Variants in IDH2 observed in about 807,000 individuals in gnomAD.
IDH2 encodes the protein isocitrate dehydrogenase (NADP(+)) 2, also known as isocitrate dehydrogenase [NADP], mitochondrial.
Under a neutral mutation model 50.5 loss-of-function variants are expected in IDH2, and 18 were observed. The ratio of observed to expected loss-of-function variants is 0.36; its 90% CI spans 0.25 to 0.53. The LOEUF is 0.53. Among genes scored for constraint, IDH2 ranks in the 20% least tolerant of loss-of-function variants. The pLI is 0.92. For synonymous variants in IDH2, 280 were observed against 239.8 expected (o/e 1.17, Z -1.55); for missense variants, 518 against 610.7 (o/e 0.85, Z 1.60).
rs146682165 is a variant in IDH2 at position 90,098,604 on chromosome 15, G to A, written c.115+3672C>T. 6.7e-6 allele frequency among the ~76,000 whole-genome samples: 1 copy of A among 149,658 alleles called. No individual in the cohort carries two copies. Among genetic ancestry groups the A allele is most frequent in the Non-Finnish European group, 1.5e-5 (1 of 67,078 alleles). ...CTGTCGCCTACACTGGAGGGCAGTGGCGTGATCTCGGCTCACTGCAAGCTC... is the reference window on the plus strand; with the variant it reads ...CTGTCGCCTACACTGGAGGGCAGTGACGTGATCTCGGCTCACTGCAAGCTC... On this transcript the variant is annotated intron_variant, in intron 1 of 10. Coordinates refer to ENST00000330062, the MANE Select transcript of IDH2 (RefSeq NM_002168.4). The surrounding 1 kb of genome is among the most constrained non-coding windows in gnomAD (Gnocchi z 5.1).
intron 3 of IDH2, among the ~76,000 whole-genome samples, chr15:90,089,710 G>A (rs1231346890): frequency 6.6e-6 from 1 of 152,222 alleles, no homozygotes; most frequent in Non-Finnish European, 1.5e-5. Flanking sequence ...GGAAGAGAGA[G>A]CTCAGAAAAC....
chr15:90,091,920 G>C (rs1175280845), intron 1 of IDH2, among the ~76,000 whole-genome samples: 1 of 152,214 alleles, frequency 6.6e-6, no homozygotes, highest in African/African-American at 2.4e-5. Context: ...TGGGAACTGG[G>C]CCACACAGCA....
In IDH2 at chr15:90,089,005, C is replaced by G. The variant is rs142768027; in HGVS notation, c.374-258G>C. Among the ~76,000 whole-genome samples the G allele has an allele frequency of 3.5e-3, 529 of 149,598 alleles. 1 individual carries two copies. Among genetic ancestry groups the G allele is most frequent in the Non-Finnish European group, 5.8e-3 (394 of 67,636 alleles). On this transcript the variant is annotated intron_variant, in intron 3 of 10. Coordinates refer to ENST00000330062, the MANE Select transcript of IDH2 (RefSeq NM_002168.4). Reference sequence around the variant, plus strand: ...TCTCGGCTCACCACAACCTCTGCCTCCTGGGTTCAAGCGGTTCTCCTGCCT... The same window carrying G: ...TCTCGGCTCACCACAACCTCTGCCTGCTGGGTTCAAGCGGTTCTCCTGCCT...
chr15:90,101,671 A>G (rs1281895671), intron 1 of IDH2, among the ~76,000 whole-genome samples: 5 of 135,340 alleles, frequency 3.7e-5, no homozygotes, highest in Admixed American at 2.2e-4. Context: ...GCAGCGATGA[A>G]GGCGAAGGGG....
chr15:90,095,749 G>A (rs1247473799), intron 1 of IDH2, among the ~76,000 whole-genome samples: 1 of 152,224 alleles, frequency 6.6e-6, no homozygotes, highest in Non-Finnish European at 1.5e-5. Flanking sequence ...CCTGCCCGGA[G>A]GCAGTGAATG....
Position 90,100,464 on chromosome 15 carries a change from A to T in IDH2, c.115+1812T>A. 4.9e-6 allele frequency: 1 copy of T among 205,458 alleles called. No homozygotes were observed. The highest frequency in any genetic ancestry group is 8.6e-6 in the Non-Finnish European group (1 of 116,700). The allele number at this position is 205,458 out of a possible 1,614,324, so 12.7% of individuals were successfully genotyped here. ...CGTGGCAGAAAGATCTGCACACTTA[A>T]GGGGCAAGAATTAAGAAGTTTCTGG... On this transcript the variant is annotated intron_variant, in intron 1 of 10. Transcript: ENST00000330062. This position sits in a 1 kb window ranked among gnomAD's most constrained non-coding sequence, Gnocchi z 4.1.
Position 90,090,642 on chromosome 15 carries a change from GA to G in IDH2, c.209del (p.Leu70ProfsTer10). The G allele has an allele frequency of 6.2e-7, 1 of 1,614,190 alleles. No individual in the cohort carries two copies. The highest frequency in any genetic ancestry group is 8.5e-7 in the Non-Finnish European group (1 of 1,180,006). The stretch of plus-strand genomic sequence containing the variant: ...GCTGGATGTCCACGTGGGGCAGGAT[GA>G]GCTGGGGACAGAGGGCCAGAGCAAG... The part of the protein sequence containing the change: ...RIIWQFIKEK[L>X]ILPHVDIQLK... On this transcript the variant is annotated frameshift_variant and splice_region_variant, in exon 3 of 11. Coordinates refer to ENST00000330062, the MANE Select transcript of IDH2 (RefSeq NM_002168.4). LOFTEE classifies it high-confidence loss of function.
At chr15:90,090,436 G>A (rs1255433128) in intron 3 of IDH2, 43 bp downstream of exon 3, 1 of 1,604,800 alleles carries the variant, frequency 6.2e-7, no homozygotes, top group Non-Finnish European at 8.5e-7. Context: ...GGTGGGAGAA[G>A]CCTGTGACCC....
chr15:90,087,084 C>T (rs769097040), intron 7 of IDH2, 28 bp downstream of exon 7: 2 of 1,613,314 alleles, frequency 1.2e-6, no homozygotes, highest in Admixed American at 1.7e-5. Flanking sequence ...AGTCCACCCC[C>T]ACAGGGAGCA....
chr15:90,087,908 A>T (rs901049290), intron 5 of IDH2, among the ~76,000 whole-genome samples: 1 of 143,970 alleles, frequency 6.9e-6, no homozygotes. Context: ...GCTGGGGTTG[A>T]CAGTGTGTCC....
chr15:90,091,460 T>A lies in IDH2; in HGVS notation c.207+93A>T, dbSNP rs1043431667. On this transcript the variant is annotated intron_variant, in intron 2 of 10. Coordinates refer to ENST00000330062, the MANE Select transcript of IDH2 (RefSeq NM_002168.4). ...GCTGCCTACCAGGACAACGGGGGGG[T>A]CCTAGGGACCTGCAGTCCAGAAGAC... 4 of 917,468 alleles carry A rather than the reference T, an allele frequency of 4.4e-6. No individual in the cohort carries two copies. In the East Asian group the frequency reaches 9.7e-5, roughly 22 times the overall value. 56.8% of individuals were successfully genotyped at this position (917,468 alleles called of 1,614,324 possible).
chr15:90,094,659 A>G (rs1022620897), intron 1 of IDH2, among the ~76,000 whole-genome samples: 9 of 152,234 alleles, frequency 5.9e-5, no homozygotes, highest in Non-Finnish European at 1.2e-4. Flanking sequence ...TAATCCTAGC[A>G]CTTTGGGAGG....
At position 90,088,444 on chromosome 15, in the gene IDH2, G is replaced by A. The variant is rs1900932203; in HGVS notation, c.593C>T (p.Pro198Leu). The A allele has an allele frequency of 4.3e-6, 7 of 1,614,202 alleles. No individual in the cohort carries two copies. Among genetic ancestry groups the A allele is most frequent in the Non-Finnish European group, 5.9e-6 (7 of 1,180,030 alleles). The change falls in exon 5 of 11, where the codon CCA (proline) becomes CTA (leucine). Residue 198 changes from proline to leucine, a missense_variant. By Grantham distance (98) the Pro-to-Leu change is moderately conservative. Coordinates refer to ENST00000330062, the MANE Select transcript of IDH2 (RefSeq NM_002168.4). ...RAGTFKMVFT[P>L]KDGSGVKEWE... The stretch of plus-strand genomic sequence containing the variant: ...CTCCTTGACACCACTGCCATCTTTT[G>A]GGGTGAAGACCATTTTGAAAGTGCC...
At chr15:90,090,238 C>A (rs1461251444) in intron 3 of IDH2, among the ~76,000 whole-genome samples, 2 of 152,194 alleles carry the variant, frequency 1.3e-5, no homozygotes, top group Admixed American at 6.5e-5. Flanking sequence ...GAGGCCAGCC[C>A]CTTACCCACG....
At chr15:90,093,233 T>C (rs1485421377) in intron 1 of IDH2, among the ~76,000 whole-genome samples, 1 of 152,224 alleles carries the variant, frequency 6.6e-6, no homozygotes, top group Non-Finnish European at 1.5e-5. Flanking sequence ...CTCTCTCTGT[T>C]GCCCAAGCCA....
rs34365380 is a variant in IDH2, at chr15:90,098,563, G to GTATGT, written c.115+3712_115+3713insACATA. 6.0e-4 allele frequency among the ~76,000 whole-genome samples: 34 copies of GTATGT among 56,708 alleles called. No individual in the cohort carries two copies. The highest frequency in any genetic ancestry group is 1.2e-3 in the Admixed American group (6 of 5,004). The allele number at this position is 56,708 out of a possible 152,430, so 37.2% of individuals were successfully genotyped here. A position where few individuals can be genotyped will look rare whatever the true frequency, so the allele number is the denominator to read the frequency against. The stretch of plus-strand genomic sequence containing the variant: ...GTATGTATGTATGTATGTATGTATT[G>GTATGT]AGACAGAGTCTCACTCTGTCGCCTA... On this transcript the variant is annotated intron_variant, in intron 1 of 10. Transcript: ENST00000330062. This position sits in a 1 kb window ranked among gnomAD's most constrained non-coding sequence, Gnocchi z 5.1.
At chr15:90,087,335 G>A (rs1478324801) in intron 6 of IDH2, 72 bp from the exon 7 acceptor site, 6 of 1,612,148 alleles carry the variant, frequency 3.7e-6, no homozygotes, top group Admixed American at 1.7e-5. Context: ...CCTGAGCCTC[G>A]GAGCTGAGCC....
chr15:90,099,381 G>A lies in IDH2; in HGVS notation c.115+2895C>T, dbSNP rs573548924. ...TGGCCTGCTTCCTCCCCTCCTCAGC[G>A]ATTCCTTCAGTGAGGACTTTTCTGG... On this transcript the variant is annotated intron_variant, in intron 1 of 10. Coordinates refer to ENST00000330062, the MANE Select transcript of IDH2 (RefSeq NM_002168.4). Among the ~76,000 whole-genome samples the A allele has an allele frequency of 3.3e-5, 5 of 152,198 alleles. No homozygotes were observed. In the East Asian group the frequency reaches 5.8e-4, roughly 18 times the overall value.
At chr15:90,086,887 C>A (rs752777525) in intron 7 of IDH2, among the ~76,000 whole-genome samples, 2 of 152,130 alleles carry the variant, frequency 1.3e-5, no homozygotes, top group Admixed American at 6.5e-5. Flanking sequence ...AATTCCTGTG[C>A]CCTCCTTTCT....
Sources: allele counts gnomAD v4.1 joint callset (sites outside exome capture counted in the v4.1 genomes callset), GRCh38; gene constraint gnomAD v4.1.1; non-coding constraint Gnocchi (gnomAD v3.1); transcripts MANE v1.5; gene names NCBI Gene and HGNC (gene_info 2026-07-23, HGNC 2026-07-21).